The following AXIN1 variants were observed in gnomAD, a reference collection of about 807,000 sequenced individuals.
AXIN1 encodes the protein axin 1.
Under a neutral mutation model 76.4 loss-of-function variants are expected in AXIN1, and 30 were observed. The ratio of observed to expected loss-of-function variants is 0.39; its 90% CI spans 0.29 to 0.53. The LOEUF (loss-of-function observed/expected upper bound fraction) is 0.53. Ranked by LOEUF, AXIN1 falls within the 20% of genes least tolerant of loss-of-function variation. AXIN1 has a pLI of 0.66. For missense variants in AXIN1, 1,140 were observed against 1,198.8 expected (o/e 0.95, Z 0.72); for synonymous variants, 545 against 501.4 (o/e 1.09, Z -1.16).
At chr16:302,574 C>T (rs1056131809) in intron 5 of AXIN1, among the ~76,000 whole-genome samples, 11 of 152,304 alleles carry the variant, frequency 7.2e-5, no homozygotes, top group South Asian at 2.1e-4. Flanking sequence ...GCCCGGCGCA[C>T]GGTTTCCCAG....
In AXIN1 at chr16:314,593, C is replaced by T. The variant is rs752510660; in HGVS notation, c.969G>A (p.Gln323=). ...TGTCTGCATCGCTGGACAGGCTCTG[C>T]TGCTCGCTGTCGTTGGCACTGGTGG... The part of the protein sequence containing the change: ...APATSANDSE[Q]QSLSSDADTL... Residue 323 remains glutamine, a synonymous_variant, in exon 3 of 11, where the codon CAG becomes CAA. Transcript: ENST00000262320. 3 of 1,613,894 alleles carry T rather than the reference C, an allele frequency of 1.9e-6. No individual in the cohort carries two copies. The highest frequency in any genetic ancestry group is 2.5e-6 in the Non-Finnish European group (3 of 1,179,978).
chr16:323,927 A>G (rs2053521494), intron 2 of AXIN1, among the ~76,000 whole-genome samples: 1 of 152,170 alleles, frequency 6.6e-6, no homozygotes. Flanking sequence ...CAGGGGATGG[A>G]ATACGGCACA....
rs112251207 is a variant in AXIN1, at chr16:304,154, A to T, written c.1254+150T>A. The T allele has an allele frequency of 2.1e-3, 2,801 of 1,360,980 alleles. 37 individuals carry two copies. The African/African-American group carries it at 0.028, about 14-fold the overall frequency. The allele number at this position is 1,360,980 out of a possible 1,614,324, so 84.3% of individuals were successfully genotyped here. A position where few individuals can be genotyped will look rare whatever the true frequency, so the allele number is the denominator to read the frequency against. On this transcript the variant is annotated intron_variant, in intron 5 of 10. Transcript: ENST00000262320. Reference sequence around the variant, plus strand: ...TTGAGCTGGGGCTCGGCTGCAGAGAAAGGGGAACAGGGGACTCAGCCGGGA... The same window carrying T: ...TTGAGCTGGGGCTCGGCTGCAGAGATAGGGGAACAGGGGACTCAGCCGGGA...
rs2141593575 is a variant in AXIN1 at position 314,628 on chromosome 16, G to A, written c.934C>T (p.Leu312=). ...NPYYVNAGYA[L]APATSANDSE... is the part of the protein sequence containing the mutation. ...TCGTTGGCACTGGTGGCTGGGGCCA[G>A]GGCATAGCCGGCATTGACATAATAG... is the stretch of plus-strand genomic sequence containing the variant. Residue 312 remains leucine (L), a synonymous_variant, in exon 3 of 11, where the codon CTG becomes TTG. Coordinates refer to ENST00000262320, the MANE Select transcript of AXIN1 (RefSeq NM_003502.4). 6.2e-7 allele frequency: 1 copy of A among 1,614,052 alleles called. No individual in the cohort carries two copies.
At chr16:308,591 C>T (rs913669273) in intron 4 of AXIN1, among the ~76,000 whole-genome samples, 3 of 152,254 alleles carry the variant, frequency 2.0e-5, no homozygotes, top group Non-Finnish European at 2.9e-5. Context: ...GTCATCCCAG[C>T]GGCTCCGCGG....
intron 2 of AXIN1, among the ~76,000 whole-genome samples, chr16:315,060 G>A (rs543986920): frequency 6.6e-6 from 1 of 152,318 alleles, no homozygotes; most frequent in Admixed American, 6.5e-5. Context: ...GTTTTGATCA[G>A]GATGAGGCCC....
At chr16:316,422 G>A (rs1597051705) in intron 2 of AXIN1, among the ~76,000 whole-genome samples, 1 of 152,330 alleles carries the variant, frequency 6.6e-6, no homozygotes, top group Non-Finnish European at 1.5e-5. Context: ...CCCCTTCCGG[G>A]CGCTCTGCTG....
chr16:331,842 G>A (rs1371436039), intron 2 of AXIN1, among the ~76,000 whole-genome samples: 4 of 152,066 alleles, frequency 2.6e-5, no homozygotes, highest in African/African-American at 4.8e-5. Flanking sequence ...CTCTACTTAC[G>A]TCACCCTCAG....
At chr16:316,991 C>T (rs892020160) in intron 2 of AXIN1, among the ~76,000 whole-genome samples, 4 of 152,200 alleles carry the variant, frequency 2.6e-5, no homozygotes, top group Admixed American at 1.3e-4. Flanking sequence ...CACAATGGGC[C>T]GCCCTCCACG....
intron 2 of AXIN1, among the ~76,000 whole-genome samples, chr16:343,323 G>A (rs1302164731): frequency 2.6e-5 from 4 of 152,198 alleles, no homozygotes; most frequent in East Asian, 3.8e-4. Context: ...CTGGGAGGGA[G>A]GCACTGGGGT....
At chr16:298,384 A>G (rs947737198) in intron 5 of AXIN1, 133 bp from the exon 6 acceptor site, 2 of 1,104,106 alleles carry the variant, frequency 1.8e-6, no homozygotes, top group Admixed American at 4.0e-5. Flanking sequence ...GCCCCTCGCC[A>G]CCGGTCCTGT....
At chr16:288,435 G>T in intron 10 of AXIN1, 187 bp from the exon 11 acceptor site, 6 of 850,598 alleles carry the variant, frequency 7.1e-6, no homozygotes, top group Non-Finnish European at 9.3e-6. Context: ...TGTGGGTGAA[G>T]TGGGCAGCCA....
intron 5 of AXIN1, among the ~76,000 whole-genome samples, chr16:298,466 C>T (rs996848176): frequency 1.3e-5 from 2 of 152,216 alleles, no homozygotes; most frequent in African/African-American, 4.8e-5. Context: ...AGGAATGCAG[C>T]GTATGTATCG....
At chr16:303,018 C>T (rs568425364) in intron 5 of AXIN1, among the ~76,000 whole-genome samples, 10 of 152,254 alleles carry the variant, frequency 6.6e-5, no homozygotes, top group South Asian at 4.2e-4. Flanking sequence ...TGTGCCACCA[C>T]GCCCAGCTAA....
intron 8 of AXIN1, chr16:292,247 G>A (rs2052582373): frequency 6.6e-6 from 1 of 152,446 alleles, no homozygotes; most frequent in Admixed American, 6.5e-5. Context: ...CCACACTCCA[G>A]GCTCCTGCAT....
rs1430499611 is a variant in AXIN1, at chr16:298,096, G to A, written c.1410C>T (p.Ile470=). The change falls in exon 6 of 11, where the codon ATC becomes ATT. Residue 470 remains isoleucine (I), a synonymous_variant. Coordinates refer to ENST00000262320, the MANE Select transcript of AXIN1 (RefSeq NM_003502.4). ...GCACACGCTGTACGTGCTCGTCCAG[G>A]ATGCTCTCAGGGTTCTCCTCGTGTG... is the stretch of plus-strand genomic sequence containing the variant. ...RDAHEENPES[I]LDEHVQRVLR... The A allele has an allele frequency of 6.4e-7, 1 of 1,550,654 alleles. No individual in the cohort carries two copies.
chr16:298,239 C>T lies in AXIN1; in HGVS notation c.1267G>A (p.Glu423Lys), dbSNP rs770548875. 7.1e-6 allele frequency: 11 copies of T among 1,539,344 alleles called. No homozygotes were observed. The South Asian group carries it at 9.5e-5, about 13-fold the overall frequency. ...GGCCCTGACGATGGATCGCCGTCCT[C>T]ACCTTCCTCCTCCTGTGTGGGGACA... ...LKRVRMEEEG[E>K]DGDPSSGPPG... is the part of the protein sequence containing the mutation. Residue 423 changes from glutamate to lysine, a missense_variant, in exon 6 of 11, where the codon GAG (glutamate) becomes AAG (lysine). Physicochemically the swap from Glu to Lys is moderately conservative, Grantham distance 56. This residue lies in a region of AXIN1 where 708 missense variants were observed against 776.9 expected (regional missense o/e 0.91). Coordinates refer to ENST00000262320, the MANE Select transcript of AXIN1 (RefSeq NM_003502.4).
intron 2 of AXIN1, among the ~76,000 whole-genome samples, chr16:326,815 G>T (rs1422428205): frequency 1.3e-5 from 2 of 151,872 alleles, no homozygotes; most frequent in African/African-American, 4.8e-5. Context: ...ATAAAATCAG[G>T]GATGTGGCCT....
Position 293,090 on chromosome 16 carries a change from T to G in AXIN1, c.2186+398A>C, listed in dbSNP as rs1376440124. 1 of 268,152 alleles carries G rather than the reference T, an allele frequency of 3.7e-6. No homozygotes were observed. The highest frequency in any genetic ancestry group is 7.2e-6 in the Non-Finnish European group (1 of 138,906). 16.6% of individuals were successfully genotyped at this position (268,152 alleles called of 1,614,324 possible). A position where few individuals can be genotyped will look rare whatever the true frequency, so the allele number is the denominator to read the frequency against. ...CCACTCAGGGCTCCTGGGACGCAAC[T>G]GTCAAGAGGCAGCCGCCATGCCTCC... On this transcript the variant is annotated intron_variant, in intron 8 of 10. Transcript: ENST00000262320. The surrounding 1 kb of genome is among the most constrained non-coding windows in gnomAD (Gnocchi z 4.6).
Sources: allele counts gnomAD v4.1 joint callset (sites outside exome capture counted in the v4.1 genomes callset), GRCh38; gene constraint gnomAD v4.1.1; regional missense constraint gnomAD v4.1.1; non-coding constraint Gnocchi (gnomAD v3.1); transcripts MANE v1.5; gene names NCBI Gene and HGNC (gene_info 2026-07-23, HGNC 2026-07-21).